RGPD2: variants seen among roughly 807,000 people sequenced by gnomAD.
The protein encoded by RGPD2 is RANBP2-like and GRIP domain-containing protein 2.
Under a neutral mutation model 36.0 loss-of-function variants are expected in RGPD2, and 2 were observed. The ratio of observed to expected loss-of-function variants is 0.06; its 90% CI spans 0.02 to 0.17. The LOEUF is 0.17. Among genes scored for constraint, RGPD2 ranks in the 10% least tolerant of loss-of-function variants. RGPD2 has a pLI of 1.00. For missense variants in RGPD2, 40 were observed against 464.3 expected (o/e 0.09, Z 8.40); for synonymous variants, 19 against 163.8 (o/e 0.12, Z 6.75).
At chr2:87,844,678 T>G in the RGPD2 span, among the ~76,000 whole-genome samples, 1 of 151,894 alleles carries the variant, frequency 6.6e-6, no homozygotes, top group Non-Finnish European at 1.5e-5. Flanking sequence ...AATTTTAAAT[T>G]TCCATTTCTT....
chr2:87,915,632 GTGTATA>G, the RGPD2 span, among the ~76,000 whole-genome samples: 5 of 143,968 alleles, frequency 3.5e-5, no homozygotes, highest in African/African-American at 1.0e-4. Flanking sequence ...ATATATGTGC[GTGTATA>G]TATATACACA....
chr2:87,809,674 C>T (rs1161533741), intron 6 of RGPD2, among the ~76,000 whole-genome samples: 4 of 149,556 alleles, frequency 2.7e-5, no homozygotes, highest in African/African-American at 4.9e-5. Context: ...ACCCACCACC[C>T]TAAGCCACAC....
the RGPD2 span, among the ~76,000 whole-genome samples, chr2:87,846,019 ATCAT>A: frequency 6.6e-6 from 1 of 151,032 alleles, no homozygotes; most frequent in South Asian, 2.1e-4. Flanking sequence ...TACTTTTCTT[ATCAT>A]TCATTTTTTC....
the RGPD2 span, among the ~76,000 whole-genome samples, chr2:87,948,627 C>T: frequency 2.2e-5 from 3 of 135,986 alleles, no homozygotes; most frequent in Non-Finnish European, 4.8e-5. Flanking sequence ...GTGATCCACC[C>T]GCCTTAGCCT....
chr2:87,825,497 C>A (rs1468562292), intron 1 of RGPD2, among the ~76,000 whole-genome samples, 161 bp downstream of exon 1: 2 of 56,682 alleles, frequency 3.5e-5, no homozygotes, highest in African/African-American at 1.4e-4. Flanking sequence ...GCCGCCCGGC[C>A]GAGGCCGAGG....
the RGPD2 span, among the ~76,000 whole-genome samples, chr2:87,876,866 TG>T: frequency 6.6e-6 from 1 of 152,198 alleles, no homozygotes; most frequent in African/African-American, 2.4e-5. Context: ...TCTAAGAACT[TG>T]TTTTATAAAT....
At chr2:87,866,889 G>A in the RGPD2 span, among the ~76,000 whole-genome samples, 1 of 152,264 alleles carries the variant, frequency 6.6e-6, no homozygotes, top group Non-Finnish European at 1.5e-5. Context: ...CCGGGCGAGA[G>A]GTCCGGCTTT....
the RGPD2 span, among the ~76,000 whole-genome samples, chr2:87,913,676 T>C: frequency 5.9e-5 from 9 of 151,904 alleles, no homozygotes; most frequent in Admixed American, 3.9e-4. Context: ...AAAATCACTG[T>C]GAGAATTTTG....
At chr2:87,916,647 G>A in the RGPD2 span, among the ~76,000 whole-genome samples, 89 of 151,346 alleles carry the variant, frequency 5.9e-4, no homozygotes, top group African/African-American at 2.0e-3. Context: ...CTTCCCCCTC[G>A]TCTCTCTTTC....
the RGPD2 span, among the ~76,000 whole-genome samples, chr2:87,853,046 TA>T: frequency 2.6e-5 from 4 of 152,248 alleles, no homozygotes; most frequent in African/African-American, 9.6e-5. Flanking sequence ...CTGGTTGAGT[TA>T]ATGACCTGCT....
At chr2:87,965,140 C>G in the RGPD2 span, among the ~76,000 whole-genome samples, 1 of 137,984 alleles carries the variant, frequency 7.2e-6, no homozygotes, top group Non-Finnish European at 1.6e-5. Flanking sequence ...TCTCCATTTT[C>G]TCTTTATAGT....
At chr2:87,961,936 G>A in the RGPD2 span, among the ~76,000 whole-genome samples, 5 of 143,856 alleles carry the variant, frequency 3.5e-5, no homozygotes, top group East Asian at 2.1e-4. Context: ...TTGGGAGGTC[G>A]AGGCGGGAGG....
chr2:87,935,262 T>C, the RGPD2 span, among the ~76,000 whole-genome samples: 1 of 149,306 alleles, frequency 6.7e-6, no homozygotes, highest in Non-Finnish European at 1.5e-5. Flanking sequence ...AAACAGTATC[T>C]GCCTCTATCT....
chr2:87,878,241 C>T, the RGPD2 span, among the ~76,000 whole-genome samples: 6 of 151,360 alleles, frequency 4.0e-5, no homozygotes, highest in South Asian at 8.3e-4. Flanking sequence ...TCTTTTTTCT[C>T]TATTCTTGTC....
the RGPD2 span, among the ~76,000 whole-genome samples, chr2:87,860,730 G>T: frequency 6.6e-6 from 1 of 152,054 alleles, no homozygotes; most frequent in African/African-American, 2.4e-5. Flanking sequence ...AAGTGTGTTT[G>T]TGTGTGTGTG....
At chr2:87,875,770 A>T in the RGPD2 span, among the ~76,000 whole-genome samples, 2 of 152,284 alleles carry the variant, frequency 1.3e-5, no homozygotes, top group African/African-American at 4.8e-5. Context: ...ATTGTTTGCA[A>T]TAGTCTCAGT....
At chr2:87,972,958 A>AT in the RGPD2 span, 1 of 1,613,900 alleles carries the variant, frequency 6.2e-7, no homozygotes, top group Admixed American at 1.7e-5. Context: ...ATCATGGGGC[A>AT]TGCCATGGGG....
At chr2:87,893,625 GGC>G in the RGPD2 span, among the ~76,000 whole-genome samples, 6 of 103,508 alleles carry the variant, frequency 5.8e-5, no homozygotes, top group African/African-American at 2.2e-4. Flanking sequence ...ATTATTTGAA[GGC>G]CTCAAAGATT....
the RGPD2 span, among the ~76,000 whole-genome samples, chr2:87,854,895 T>A: frequency 6.6e-6 from 1 of 152,218 alleles, no homozygotes; most frequent in Non-Finnish European, 1.5e-5. Flanking sequence ...AAATTGTACG[T>A]ATTCAAGTTG....
Sources: allele counts gnomAD v4.1 joint callset (sites outside exome capture counted in the v4.1 genomes callset), GRCh38; gene constraint gnomAD v4.1.1; transcripts MANE v1.5; gene names NCBI Gene and HGNC (gene_info 2026-07-23, HGNC 2026-07-21).